Variants in COL21A1 observed in about 807,000 individuals in gnomAD.
COL21A1 encodes collagen type XXI alpha 1 chain.
COL21A1 carries 149 observed loss-of-function variants against 137.9 expected under a neutral mutation model. The observed-to-expected ratio is 1.08, with a 90% CI of 0.95 to 1.24. The LOEUF is 1.24. COL21A1 is among the 50% of genes most tolerant of loss of function. The pLI, the probability that COL21A1 is intolerant of heterozygous loss-of-function variation, is 0.00. For missense variants in COL21A1, 1,167 were observed against 1,158.4 expected (o/e 1.01, Z -0.11); for synonymous variants, 456 against 391.5 (o/e 1.16, Z -1.95).
intron 17 of COL21A1, among the ~76,000 whole-genome samples, chr6:56,096,455 T>C (rs1305231562): frequency 6.6e-6 from 1 of 152,216 alleles, no homozygotes; most frequent in East Asian, 1.9e-4. Flanking sequence ...AATAAATCTA[T>C]CTGGTGTTAG....
chr6:56,128,656 G>A (rs1773245504), intron 12 of COL21A1, among the ~76,000 whole-genome samples: 1 of 152,052 alleles, frequency 6.6e-6, no homozygotes, highest in Non-Finnish European at 1.5e-5. Context: ...CATTGTTTTT[G>A]TTCTGTTTTG....
intron 7 of COL21A1, among the ~76,000 whole-genome samples, chr6:56,165,913 C>CAA (rs1776540595): frequency 2.1e-5 from 2 of 95,232 alleles, no homozygotes; most frequent in Admixed American, 1.9e-4. Context: ...TGATTACACA[C>CAA]ACACACACAC....
chr6:56,112,665 GTTTTTTTTTCTTTT>G, intron 16 of COL21A1, among the ~76,000 whole-genome samples: 1 of 149,232 alleles, frequency 6.7e-6, no homozygotes, highest in Admixed American at 6.7e-5. Context: ...CACAGAAGAA[GTTTTTTTTTCTTTT>G]CTTTTTTCTT....
chr6:56,260,585 A>AAGAAGAAGAAGAAGAAG (rs1430065674), intron 1 of COL21A1, among the ~76,000 whole-genome samples: 1 of 91,774 alleles, frequency 1.1e-5, no homozygotes, highest in African/African-American at 3.6e-5. Context: ...AAAAAAAAAG[A>AAGAAGAAGAAGAAGAAG]AAGAAGAAGA....
intron 1 of COL21A1, among the ~76,000 whole-genome samples, chr6:56,231,852 G>T (rs980065436): frequency 2.0e-5 from 3 of 151,674 alleles, no homozygotes; most frequent in East Asian, 3.9e-4. Flanking sequence ...TAAGTTTTTT[G>T]ATTGCTAAGC....
chr6:56,175,053 A>G (rs1051262760), intron 3 of COL21A1, among the ~76,000 whole-genome samples: 6 of 152,126 alleles, frequency 3.9e-5, no homozygotes, highest in African/African-American at 1.4e-4. Flanking sequence ...TAACATGATC[A>G]TCTCAATGGA....
chr6:56,304,627 T>G (rs1202708855), intron 1 of COL21A1, among the ~76,000 whole-genome samples: 1 of 148,974 alleles, frequency 6.7e-6, no homozygotes, highest in Non-Finnish European at 1.5e-5. Flanking sequence ...CTCTCTTTTC[T>G]TCTTTATTAG....
intron 1 of COL21A1, among the ~76,000 whole-genome samples, chr6:56,377,945 C>T (rs1581790180): frequency 6.6e-6 from 1 of 152,088 alleles, no homozygotes; most frequent in Non-Finnish European, 1.5e-5. Context: ...AGCTCCTGAA[C>T]AACATTCCTA....
intron 10 of COL21A1, among the ~76,000 whole-genome samples, chr6:56,149,972 C>T (rs531569692): frequency 6.6e-6 from 1 of 152,292 alleles, no homozygotes; most frequent in East Asian, 1.9e-4. Flanking sequence ...CAACTGAAAG[C>T]CAAACTCATA....
At chr6:56,266,784 A>G (rs958037672) in intron 1 of COL21A1, among the ~76,000 whole-genome samples, 3 of 152,352 alleles carry the variant, frequency 2.0e-5, no homozygotes, top group Non-Finnish European at 2.9e-5. Context: ...AATCTTAAGA[A>G]TCACTTTATT....
intron 1 of COL21A1, among the ~76,000 whole-genome samples, chr6:56,393,587 G>A (rs541176008): frequency 6.6e-6 from 1 of 152,250 alleles, no homozygotes; most frequent in Non-Finnish European, 1.5e-5. Context: ...GTTAGCATGC[G>A]TCTCCCACTT....
intron 17 of COL21A1, chr6:56,078,086 C>G: frequency 2.2e-6 from 1 of 455,702 alleles, no homozygotes; most frequent in Non-Finnish European, 4.4e-6. Context: ...CTTAATAACT[C>G]CCTTACTGAT....
chr6:56,093,349 C>T (rs534490257), intron 17 of COL21A1, among the ~76,000 whole-genome samples: 4 of 152,200 alleles, frequency 2.6e-5, no homozygotes, highest in South Asian at 2.1e-4. Context: ...ATTAATAAAT[C>T]GCTCTGAAGT....
At chr6:56,314,464 T>C (rs1326278059) in intron 1 of COL21A1, among the ~76,000 whole-genome samples, 1 of 152,168 alleles carries the variant, frequency 6.6e-6, no homozygotes, top group Non-Finnish European at 1.5e-5. Context: ...ATATGGGTTG[T>C]ATAAAAGAAA....
chr6:56,104,995 T>A (rs770777943), intron 16 of COL21A1, among the ~76,000 whole-genome samples: 2 of 152,216 alleles, frequency 1.3e-5, no homozygotes, highest in Non-Finnish European at 2.9e-5. Context: ...AACACTTTAT[T>A]TTGACTTTGA....
intron 16 of COL21A1, among the ~76,000 whole-genome samples, chr6:56,117,925 A>G (rs1186652498): frequency 6.6e-6 from 1 of 152,056 alleles, no homozygotes; most frequent in East Asian, 1.9e-4. Flanking sequence ...TATGGGATAC[A>G]GCAAAAACAG....
intron 17 of COL21A1, among the ~76,000 whole-genome samples, chr6:56,098,359 ATATG>A (rs1338410839): frequency 2.0e-5 from 1 of 50,038 alleles, no homozygotes; most frequent in African/African-American, 1.2e-4. Context: ...ATAAATATAT[ATATG>A]AATATATATA....
chr6:56,134,519 T>C lies in COL21A1; in HGVS notation c.1542+7266A>G, dbSNP rs143843113. 1.0e-3 allele frequency among the ~76,000 whole-genome samples: 157 copies of C among 152,314 alleles called. 1 individual carries two copies. The highest frequency in any genetic ancestry group is 1.8e-3 in the Non-Finnish European group (124 of 68,032). ...TTAATGCTGAAATGATTTAAGACTTTGGGGTACTGTTGGGAAGGCATGATT... is the reference window on the plus strand; with the variant it reads ...TTAATGCTGAAATGATTTAAGACTTCGGGGTACTGTTGGGAAGGCATGATT... On this transcript the variant is annotated intron_variant, in intron 12 of 29. Coordinates refer to ENST00000244728, the MANE Select transcript of COL21A1 (RefSeq NM_030820.4).
At chr6:56,152,717 T>C (rs1775420847) in intron 10 of COL21A1, among the ~76,000 whole-genome samples, 1 of 152,116 alleles carries the variant, frequency 6.6e-6, no homozygotes, top group African/African-American at 2.4e-5. Context: ...TGATAGCCTG[T>C]GGAAGGCCTG....
Sources: gnomAD v4.1 joint callset for allele counts (sites outside exome capture counted in the v4.1 genomes callset) on GRCh38, gnomAD v4.1.1 for gene constraint, MANE v1.5 for transcripts, NCBI Gene and HGNC (gene_info 2026-07-23, HGNC 2026-07-21) for gene names.